CTSC: variants seen among roughly 807,000 people sequenced by gnomAD.
The protein encoded by CTSC is cathepsin C.
A neutral mutation model predicts 40.9 loss-of-function variants in CTSC; 37 were observed. That is an observed-to-expected ratio of 0.91 (90% CI 0.70 to 1.19). The LOEUF (loss-of-function observed/expected upper bound fraction) is 1.19. Among genes scored for constraint, CTSC ranks in the 50% most tolerant of loss-of-function variants. CTSC has a pLI of 0.00. For missense variants in CTSC, 594 were observed against 567.3 expected (o/e 1.05, Z -0.48); for synonymous variants, 232 against 207.4 (o/e 1.12, Z -1.02).
chr11:88,328,644 T>C (rs982746342), intron 2 of CTSC, among the ~76,000 whole-genome samples: 1 of 152,174 alleles, frequency 6.6e-6, no homozygotes, highest in Non-Finnish European at 1.5e-5. Context: ...TGTTTTGTTT[T>C]TGAGACAGAG....
chr11:88,306,244 C>A (rs567084906), intron 4 of CTSC, among the ~76,000 whole-genome samples: 5 of 152,102 alleles, frequency 3.3e-5, no homozygotes, highest in African/African-American at 7.2e-5. Flanking sequence ...AAATGCCACA[C>A]CTTAGCATTA....
intron 4 of CTSC, among the ~76,000 whole-genome samples, chr11:88,303,170 T>G (rs1439320617): frequency 1.3e-5 from 2 of 152,208 alleles, no homozygotes. Context: ...CACTATCAAC[T>G]GTCAACACAA....
rs747014415 is a variant in CTSC at position 88,309,238 on chromosome 11, G to A, written c.566C>T (p.Thr189Ile). 4 of 1,613,378 alleles carry A rather than the reference G, an allele frequency of 2.5e-6. No homozygotes were observed. The highest frequency in any genetic ancestry group is 2.5e-6 in the Non-Finnish European group (3 of 1,179,318). ...GGTAAGAGTCTCATATTCCATGTAT[G>A]TAGTTGCAGTCCAAGACTTCTGAAT... is the stretch of plus-strand genomic sequence containing the variant. ...NAIQKSWTATTYMEYETLTLG... is the reference protein window; with the variant it reads ...NAIQKSWTATIYMEYETLTLG... Residue 189 changes from threonine to isoleucine, a missense_variant, in exon 4 of 7, where the codon ACA becomes ATA. Transcript: ENST00000227266.
intron 4 of CTSC, among the ~76,000 whole-genome samples, chr11:88,302,996 G>C (rs1263417808): frequency 6.6e-6 from 1 of 152,086 alleles, no homozygotes; most frequent in Non-Finnish European, 1.5e-5. Flanking sequence ...TATATATAGG[G>C]TGAGAGAAAA....
At chr11:88,329,455 CAAAAAAAAAAAAAAAA>C (rs34568364) in intron 2 of CTSC, among the ~76,000 whole-genome samples, 9 of 67,880 alleles carry the variant, frequency 1.3e-4, no homozygotes, top group South Asian at 8.0e-4. Context: ...GACTCCATTT[CAAAAAAAAAAAAAAAA>C]AAAAAAAAAA....
At chr11:88,303,650 C>G (rs1937605343) in intron 4 of CTSC, among the ~76,000 whole-genome samples, 1 of 152,180 alleles carries the variant, frequency 6.6e-6, no homozygotes, top group East Asian at 1.9e-4. Context: ...CTCTCTGCAC[C>G]CTGTCCTTGT....
chr11:88,315,847 C>G (rs1422841782), intron 2 of CTSC, among the ~76,000 whole-genome samples: 3 of 151,984 alleles, frequency 2.0e-5, no homozygotes, highest in African/African-American at 4.8e-5. Context: ...TTTTTAAACC[C>G]AAAGGGCTTC....
At chr11:88,328,209 T>C (rs779461175) in intron 2 of CTSC, 1 of 1,584,824 alleles carries the variant, frequency 6.3e-7, no homozygotes, top group East Asian at 2.2e-5. Context: ...ACAAAGAGTT[T>C]ACAATGGTAA....
intron 2 of CTSC, chr11:88,320,947 G>C (rs1466395606): frequency 1.0e-6 from 1 of 982,630 alleles, no homozygotes; most frequent in Non-Finnish European, 1.2e-6. Context: ...AAAGACCAGA[G>C]AGGAATACAA....
intron 3 of CTSC, among the ~76,000 whole-genome samples, chr11:88,310,906 G>A (rs1021753807): frequency 4.6e-5 from 7 of 151,640 alleles, no homozygotes; most frequent in South Asian, 4.2e-4. Context: ...CTGCTGTTTC[G>A]CTTGCTTTAT....
At chr11:88,331,771 T>A (rs1298322671) in intron 2 of CTSC, among the ~76,000 whole-genome samples, 1 of 152,196 alleles carries the variant, frequency 6.6e-6, no homozygotes, top group African/African-American at 2.4e-5. Context: ...TTCCTTCTGC[T>A]ATGGTATGGG....
At position 88,300,395 on chromosome 11, in the gene CTSC, C is replaced by T; in HGVS notation, c.757+135G>A. On this transcript the variant is annotated intron_variant, in intron 5 of 6. Coordinates refer to ENST00000227266, the MANE Select transcript of CTSC (RefSeq NM_001814.6). ...ATAAAAGGAAAGAATAATTCATAGG[C>T]CACCTATTTTCTATTTCTGTAAAAA... is the stretch of plus-strand genomic sequence containing the variant. 4.5e-6 allele frequency: 3 copies of T among 659,382 alleles called. No individual in the cohort carries two copies. In the South Asian group the frequency reaches 5.2e-5, roughly 11 times the overall value. The allele number at this position is 659,382 out of a possible 1,614,324, so 40.8% of individuals were successfully genotyped here.
chr11:88,320,873 C>G (rs977518264), intron 2 of CTSC: 40 of 828,656 alleles, frequency 4.8e-5, no homozygotes, highest in Non-Finnish European at 5.7e-5. Context: ...GGTCATATAT[C>G]GTGTAATACA....
chr11:88,310,778 T>C (rs1355196552), intron 3 of CTSC, among the ~76,000 whole-genome samples: 1 of 152,212 alleles, frequency 6.6e-6, no homozygotes, highest in Non-Finnish European at 1.5e-5. Context: ...TTATAGTTGT[T>C]TCATTGTTTC....
At chr11:88,335,135 G>C in intron 1 of CTSC, 53 bp from the exon 2 acceptor site, 3 of 1,180,824 alleles carry the variant, frequency 2.5e-6, no homozygotes, top group Non-Finnish European at 3.8e-6. Flanking sequence ...GATTTCAATA[G>C]GGGAAAGAAT....
At chr11:88,322,693 C>G (rs1938055354) in intron 2 of CTSC, 1 of 152,150 alleles carries the variant, frequency 6.6e-6, no homozygotes, top group African/African-American at 2.4e-5. Context: ...TTCCTGGATG[C>G]ATACACACTC....
chr11:88,336,341 C>T (rs545392672), intron 1 of CTSC, among the ~76,000 whole-genome samples: 2 of 151,242 alleles, frequency 1.3e-5, no homozygotes, highest in Non-Finnish European at 2.9e-5. Flanking sequence ...GAGATGGAGA[C>T]CATCCTGGCT....
At chr11:88,327,812 T>G in intron 2 of CTSC, 1 of 395,134 alleles carries the variant, frequency 2.5e-6, no homozygotes, top group Non-Finnish European at 4.7e-6. Flanking sequence ...GTCAACCTTT[T>G]TTTTAGCTGG....
intron 6 of CTSC, among the ~76,000 whole-genome samples, chr11:88,295,194 G>T (rs935287718): frequency 6.6e-6 from 1 of 152,178 alleles, no homozygotes. Flanking sequence ...ACATATTTTA[G>T]AAAGAATGAA....
Sources: allele counts gnomAD v4.1 joint callset (sites outside exome capture counted in the v4.1 genomes callset), GRCh38; gene constraint gnomAD v4.1.1; transcripts MANE v1.5; gene names NCBI Gene and HGNC (gene_info 2026-07-23, HGNC 2026-07-21).